MYO5A: variants seen among roughly 807,000 people sequenced by gnomAD.
MYO5A encodes the protein myosin VA.
In MYO5A, 98 loss-of-function variants were observed where a neutral mutation model predicts 249.7. The ratio of observed to expected loss-of-function variants is 0.39; its 90% CI spans 0.33 to 0.46. MYO5A has a LOEUF of 0.46. MYO5A is among the 20% of genes least tolerant of loss of function. MYO5A has a pLI of 0.98. For synonymous variants in MYO5A, 778 were observed against 810.6 expected, an observed-to-expected ratio of 0.96 and a Z score of 0.68; for missense variants, 1,696 against 2,308.8, an observed-to-expected ratio of 0.73 and a Z score of 5.44.
At chr15:52,390,268 A>T (rs895303012) in intron 12 of MYO5A, among the ~76,000 whole-genome samples, 5 of 152,168 alleles carry the variant, frequency 3.3e-5, no homozygotes, top group African/African-American at 1.2e-4. Context: ...GTATAATTGG[A>T]TTGTTTGTAA....
Position 52,423,113 on chromosome 15 carries a change from C to T in MYO5A, c.455+2717G>A, listed in dbSNP as rs185547547. 1.2e-4 allele frequency among the ~76,000 whole-genome samples: 18 copies of T among 152,228 alleles called. No individual in the cohort carries two copies. In the East Asian group the frequency reaches 2.3e-3, roughly 20 times the overall value. On this transcript the variant is annotated intron_variant, in intron 4 of 41. Transcript: ENST00000399233. Reference sequence around the variant, plus strand: ...CCCCCATGCCCAGAACAGTGTCTGGCGTTTGGACGGTGTTCAATAAATCTC... The same window carrying T: ...CCCCCATGCCCAGAACAGTGTCTGGTGTTTGGACGGTGTTCAATAAATCTC...
At chr15:52,358,792 TA>T (rs58240010) in intron 25 of MYO5A, among the ~76,000 whole-genome samples, 13,473 of 149,364 alleles carry the variant, frequency 0.09, 1,846 homozygotes, top group African/African-American at 0.3. Flanking sequence ...TACTGTTTTT[TA>T]AAAAAAAAAC....
intron 1 of MYO5A, among the ~76,000 whole-genome samples, chr15:52,517,191 A>G (rs2077513043): frequency 6.6e-6 from 1 of 152,222 alleles, no homozygotes; most frequent in South Asian, 2.1e-4. Context: ...AATGAAGTGA[A>G]TGTGAATGCC....
intron 4 of MYO5A, among the ~76,000 whole-genome samples, chr15:52,420,264 C>T (rs2141265037): frequency 6.6e-6 from 1 of 150,772 alleles, no homozygotes; most frequent in East Asian, 2.0e-4. Flanking sequence ...ATGACTGTGC[C>T]ACTACACCCT....
intron 25 of MYO5A, 106 bp from the exon 26 acceptor site, chr15:52,354,120 A>G (rs2040088293): frequency 7.7e-7 from 1 of 1,294,762 alleles, no homozygotes; most frequent in Admixed American, 1.9e-5. Context: ...CTTACAGAAT[A>G]AGAAATACAA....
chr15:52,340,461 G>A, intron 31 of MYO5A, 67 bp from the exon 32 acceptor site: 3 of 1,393,662 alleles, frequency 2.2e-6, no homozygotes, highest in Non-Finnish European at 2.0e-6. Flanking sequence ...CGGGTGTAAG[G>A]CATCGTGTTC....
chr15:52,490,133 C>T (rs1231759362), intron 1 of MYO5A, among the ~76,000 whole-genome samples: 2 of 152,146 alleles, frequency 1.3e-5, no homozygotes, highest in African/African-American at 4.8e-5. Flanking sequence ...AACCTCTGCA[C>T]CCTGGTAATG....
chr15:52,319,755 G>A (rs1159292592), intron 38 of MYO5A, among the ~76,000 whole-genome samples: 1 of 152,078 alleles, frequency 6.6e-6, no homozygotes, highest in African/African-American at 2.4e-5. Context: ...TGATCTGGGT[G>A]CCAAAATAGA....
intron 32 of MYO5A, among the ~76,000 whole-genome samples, chr15:52,339,116 G>T (rs1432455228): frequency 6.6e-6 from 1 of 151,702 alleles, no homozygotes; most frequent in Non-Finnish European, 1.5e-5. Flanking sequence ...TTCCCATGGT[G>T]GAGCCTCATA....
At chr15:52,484,451 C>T (rs2076777040) in intron 1 of MYO5A, among the ~76,000 whole-genome samples, 2 of 152,086 alleles carry the variant, frequency 1.3e-5, no homozygotes, top group Admixed American at 1.3e-4. Context: ...AGAAAAAGGA[C>T]AGAAGATGAA....
chr15:52,453,809 T>C (rs900808271), intron 1 of MYO5A, among the ~76,000 whole-genome samples: 1 of 151,996 alleles, frequency 6.6e-6, no homozygotes, highest in Admixed American at 6.6e-5. Flanking sequence ...ACTTATTATA[T>C]CTATAAGATG....
chr15:52,326,590 T>TC (rs2038619146), intron 36 of MYO5A, among the ~76,000 whole-genome samples: 1 of 152,138 alleles, frequency 6.6e-6, no homozygotes, highest in South Asian at 2.1e-4. Flanking sequence ...GGGTACTGTG[T>TC]TTCAGTTGGG....
At chr15:52,434,947 A>C (rs1181258719) in intron 1 of MYO5A, among the ~76,000 whole-genome samples, 2 of 152,216 alleles carry the variant, frequency 1.3e-5, no homozygotes, top group Non-Finnish European at 2.9e-5. Flanking sequence ...TTTTAACAAT[A>C]ATCAGGGTAC....
intron 6 of MYO5A, 98 bp from the exon 7 acceptor site, chr15:52,408,238 G>T: frequency 4.2e-6 from 3 of 721,280 alleles, no homozygotes; most frequent in Non-Finnish European, 4.8e-6. Context: ...ATCTCAGTTG[G>T]TTAAATAAAT....
intron 1 of MYO5A, among the ~76,000 whole-genome samples, chr15:52,488,340 C>G (rs988814473): frequency 6.6e-6 from 1 of 152,142 alleles, no homozygotes. Context: ...ATGTGGAGGG[C>G]TGTAAAGCAG....
chr15:52,480,584 T>A (rs1286083733), intron 1 of MYO5A, among the ~76,000 whole-genome samples: 8 of 152,106 alleles, frequency 5.3e-5, no homozygotes, highest in Non-Finnish European at 4.4e-5. Context: ...ACATAATGGA[T>A]CTGAAAAAAG....
chr15:52,347,875 G>A (rs1038261309), intron 29 of MYO5A, among the ~76,000 whole-genome samples: 23 of 151,814 alleles, frequency 1.5e-4, no homozygotes, highest in African/African-American at 5.1e-4. Flanking sequence ...TCTCTGAAAG[G>A]AATAAAATCT....
Position 52,310,739 on chromosome 15 carries a change from T to C in MYO5A, c.*2957A>G. The C allele has an allele frequency of 6.6e-6, 1 of 152,410 alleles. No homozygotes were observed. Among genetic ancestry groups the C allele is most frequent in the Non-Finnish European group, 1.5e-5 (1 of 68,190 alleles). The allele number at this position is 152,410 out of a possible 1,614,324, so 9.4% of individuals were successfully genotyped here. On this transcript the variant is annotated 3_prime_UTR_variant, in exon 42 of 42. Coordinates refer to ENST00000399233, the MANE Select transcript of MYO5A (RefSeq NM_001382347.1). ...AGGGGAAAGGCTGGCAGGGTGTGTC[T>C]GAAGTTGGGTGAGAAAGTGTGGCTG...
At chr15:52,451,804 C>A (rs191110473) in intron 1 of MYO5A, among the ~76,000 whole-genome samples, 5 of 152,356 alleles carry the variant, frequency 3.3e-5, no homozygotes, top group African/African-American at 4.8e-5. Context: ...CTTGGAAAGA[C>A]CTTCCCTGAC....
Sources: allele counts gnomAD v4.1 joint callset (sites outside exome capture counted in the v4.1 genomes callset), GRCh38; gene constraint gnomAD v4.1.1; transcripts MANE v1.5; gene names NCBI Gene and HGNC (gene_info 2026-07-23, HGNC 2026-07-21).